F13A1: variants seen among roughly 807,000 people sequenced by gnomAD.
F13A1 encodes the protein FSF, A subunit.
Under a neutral mutation model 80.1 loss-of-function variants are expected in F13A1, and 47 were observed. The observed-to-expected ratio is 0.59, with a 90% CI of 0.46 to 0.75. The LOEUF (loss-of-function observed/expected upper bound fraction) is 0.75, where lower values mean the gene tolerates loss of function less well. Among genes scored for constraint, F13A1 ranks in the 30% least tolerant of loss-of-function variants. F13A1 has a pLI of 0.00. For synonymous variants in F13A1, 349 were observed against 344.9 expected (o/e 1.01, Z -0.13); for missense variants, 817 against 930.4 (o/e 0.88, Z 1.59).
intron 3 of F13A1, among the ~76,000 whole-genome samples, chr6:6,269,723 T>C (rs1281650705): frequency 1.3e-5 from 2 of 151,870 alleles, no homozygotes; most frequent in Non-Finnish European, 2.9e-5. Context: ...TTTTATTTTG[T>C]TTTGTTTTGA....
intron 2 of F13A1, among the ~76,000 whole-genome samples, chr6:6,316,089 A>G (rs570273219): frequency 3.6e-3 from 39 of 10,946 alleles, no homozygotes; most frequent in South Asian, 6.6e-3. Flanking sequence ...ATATATATAT[A>G]TATATATATA....
intron 3 of F13A1, among the ~76,000 whole-genome samples, chr6:6,273,344 C>T (rs949239962): frequency 1.3e-5 from 2 of 152,132 alleles, no homozygotes; most frequent in African/African-American, 4.8e-5. Flanking sequence ...ATGGCAAGCC[C>T]CACTAAGATC....
intron 4 of F13A1, among the ~76,000 whole-genome samples, chr6:6,254,857 TTTA>T (rs1442041022): frequency 7.9e-5 from 12 of 152,260 alleles, no homozygotes; most frequent in Middle Eastern, 3.4e-3. Context: ...TTTTTATGCT[TTTA>T]TTATTTTTTA....
intron 7 of F13A1, among the ~76,000 whole-genome samples, chr6:6,223,843 T>C (rs1210598408): frequency 6.6e-6 from 1 of 152,194 alleles, no homozygotes; most frequent in Non-Finnish European, 1.5e-5. Flanking sequence ...AAATTCTTTA[T>C]TAATGAGCAG....
At chr6:6,167,357 T>A in intron 13 of F13A1, 101 bp downstream of exon 13, 11 of 1,170,288 alleles carry the variant, frequency 9.4e-6, no homozygotes, top group South Asian at 1.3e-5. Flanking sequence ...GAGCAGGACA[T>A]TCATTCACAC....
chr6:6,262,191 T>A (rs2113117819), intron 4 of F13A1, among the ~76,000 whole-genome samples: 1 of 69,676 alleles, frequency 1.4e-5, no homozygotes, highest in South Asian at 7.3e-4. Flanking sequence ...GTGATTCTGA[T>A]GTGCTCCAAG....
chr6:6,237,024 C>T (rs1213398812), intron 6 of F13A1, among the ~76,000 whole-genome samples: 37 of 152,038 alleles, frequency 2.4e-4, no homozygotes, highest in Admixed American at 2.2e-3. Flanking sequence ...TCAGTAGTTA[C>T]GGTGTTGTGG....
At chr6:6,154,517 C>T (rs545035093) in intron 13 of F13A1, among the ~76,000 whole-genome samples, 16 of 152,302 alleles carry the variant, frequency 1.1e-4, no homozygotes, top group Admixed American at 6.5e-4. Flanking sequence ...CCAGGAGCAG[C>T]CCCGCACCCC....
chr6:6,219,753 G>A (rs1361479793), intron 8 of F13A1, among the ~76,000 whole-genome samples: 1 of 152,134 alleles, frequency 6.6e-6, no homozygotes, highest in Non-Finnish European at 1.5e-5. Context: ...GAGGCCAAGT[G>A]TCTGCTTTTT....
chr6:6,273,989 T>C (rs1757955017), intron 3 of F13A1, among the ~76,000 whole-genome samples: 1 of 152,232 alleles, frequency 6.6e-6, no homozygotes, highest in Non-Finnish European at 1.5e-5. Context: ...AAGCAAATCA[T>C]CTCTTTGAGG....
intron 13 of F13A1, among the ~76,000 whole-genome samples, chr6:6,158,111 C>T (rs972022254): frequency 2.6e-5 from 4 of 152,066 alleles, no homozygotes; most frequent in Non-Finnish European, 4.4e-5. Flanking sequence ...GAAGGTGTCC[C>T]CTCCTAGGGT....
intron 13 of F13A1, among the ~76,000 whole-genome samples, chr6:6,160,275 T>TG (rs1554097924): frequency 7.1e-6 from 1 of 140,682 alleles, no homozygotes; most frequent in East Asian, 2.1e-4. Flanking sequence ...AGACTCCATC[T>TG]AAAAAAAAAA....
At chr6:6,159,998 C>T (rs940401240) in intron 13 of F13A1, among the ~76,000 whole-genome samples, 28 of 151,782 alleles carry the variant, frequency 1.8e-4, no homozygotes, top group Non-Finnish European at 1.2e-4. Flanking sequence ...CACTGTTGGC[C>T]GGGCGCAGTG....
In F13A1 at chr6:6,145,314, G is replaced by A. The variant is rs1257372240; in HGVS notation, c.*305C>T. On this transcript the variant is annotated 3_prime_UTR_variant, in exon 15 of 15. Coordinates refer to ENST00000264870, the MANE Select transcript of F13A1 (RefSeq NM_000129.4). The stretch of plus-strand genomic sequence containing the variant: ...CTGGTAAGAGAGCCCACTGATATTT[G>A]GAGATGTAGCCATTTGTGATGATAA... The A allele has an allele frequency of 5.1e-6, 2 of 395,278 alleles. No homozygotes were observed. The highest frequency in any genetic ancestry group is 4.1e-5 in the African/African-American group (2 of 48,568). The allele number at this position is 395,278 out of a possible 1,614,324, so 24.5% of individuals were successfully genotyped here.
At chr6:6,182,677 G>A (rs7757812) in intron 10 of F13A1, among the ~76,000 whole-genome samples, 3,133 of 152,240 alleles carry the variant, frequency 0.021, 119 homozygotes, top group African/African-American at 0.071. Context: ...TGTGGCCATC[G>A]TGAGACAGTG....
intron 4 of F13A1, among the ~76,000 whole-genome samples, 178 bp downstream of exon 4, chr6:6,266,380 C>A (rs1487996332): frequency 6.6e-6 from 1 of 152,116 alleles, no homozygotes; most frequent in African/African-American, 2.4e-5. Context: ...TACAGGTGTG[C>A]ACCACCACAC....
intron 3 of F13A1, among the ~76,000 whole-genome samples, chr6:6,271,560 C>A (rs1258508358): frequency 6.6e-6 from 1 of 152,136 alleles, no homozygotes; most frequent in East Asian, 1.9e-4. Flanking sequence ...AACATCAGGG[C>A]AAGAAAAAGA....
intron 14 of F13A1, among the ~76,000 whole-genome samples, chr6:6,146,033 T>A (rs1053578364): frequency 5.3e-5 from 8 of 152,152 alleles, no homozygotes; most frequent in African/African-American, 1.9e-4. Flanking sequence ...CCAGTGGCCA[T>A]CAGGAGCTGG....
At chr6:6,249,952 G>C (rs3024478) in intron 5 of F13A1, among the ~76,000 whole-genome samples, 1 of 152,112 alleles carries the variant, frequency 6.6e-6, no homozygotes, top group Non-Finnish European at 1.5e-5. Context: ...AGGATAACAC[G>C]GGTACTGGAG....
Sources: allele counts gnomAD v4.1 joint callset (sites outside exome capture counted in the v4.1 genomes callset), GRCh38; gene constraint gnomAD v4.1.1; transcripts MANE v1.5; gene names NCBI Gene and HGNC (gene_info 2026-07-23, HGNC 2026-07-21).